The following C1QTNF1 variants were observed in gnomAD, a reference collection of about 807,000 sequenced individuals.
The protein encoded by C1QTNF1 is C1q and TNF related 1.
A neutral mutation model predicts 27.8 loss-of-function variants in C1QTNF1; 22 were observed. That is an observed-to-expected ratio of 0.79 (90% confidence interval 0.56 to 1.13). The LOEUF is 1.13. C1QTNF1 is among the 50% of genes most tolerant of loss of function. C1QTNF1 has a pLI of 0.00. For missense variants in C1QTNF1, 373 were observed against 380.2 expected (o/e 0.98, Z 0.16); for synonymous variants, 166 against 154.3 (o/e 1.08, Z -0.56).
rs917706668 is a variant in C1QTNF1, at chr17:79,048,362, G to A, written c.*274G>A. 2.7e-5 allele frequency: 10 copies of A among 374,756 alleles called. No homozygotes were observed. Among genetic ancestry groups the A allele is most frequent in the Non-Finnish European group, 4.3e-5 (9 of 210,552 alleles). 23.2% of individuals were successfully genotyped at this position (374,756 alleles called of 1,614,324 possible). A position where few individuals can be genotyped will look rare whatever the true frequency, so the allele number is the denominator to read the frequency against. On this transcript the variant is annotated 3_prime_UTR_variant, in exon 4 of 4. Coordinates refer to ENST00000579760, the MANE Select transcript of C1QTNF1 (RefSeq NM_030968.5). Reference sequence around the variant, plus strand: ...CACACATCCTCAAGTGACCCCGCACGGCGAGACGCGGGTGGCGGCAGGGCG... The same window carrying A: ...CACACATCCTCAAGTGACCCCGCACAGCGAGACGCGGGTGGCGGCAGGGCG...
Position 79,040,451 on chromosome 17 carries a change from G to A in C1QTNF1, c.-14-3504G>A, listed in dbSNP as rs576490472. Among the ~76,000 whole-genome samples, 9 of 152,132 alleles carry A rather than the reference G, an allele frequency of 5.9e-5. No homozygotes were observed. In the South Asian group the frequency reaches 1.2e-3, roughly 21 times the overall value. On this transcript the variant is annotated intron_variant, in intron 1 of 3. Coordinates refer to ENST00000579760, the MANE Select transcript of C1QTNF1 (RefSeq NM_030968.5). ...TGTATCAAAAAAGAAAACTAAGACCGAGGATGGAGAATTTTTCCCAGTTGA... is the reference window on the plus strand; with the variant it reads ...TGTATCAAAAAAGAAAACTAAGACCAAGGATGGAGAATTTTTCCCAGTTGA...
At chr17:79,026,156 A>T (rs1015882937) in intron 1 of C1QTNF1, among the ~76,000 whole-genome samples, 7 of 151,442 alleles carry the variant, frequency 4.6e-5, no homozygotes, top group African/African-American at 1.2e-4. Context: ...AGTGCGTCAT[A>T]TGCTTCTTTT....
chr17:79,033,213 C>T (rs2072181603), intron 1 of C1QTNF1, among the ~76,000 whole-genome samples: 1 of 152,170 alleles, frequency 6.6e-6, no homozygotes, highest in Non-Finnish European at 1.5e-5. Context: ...TCTAGTATGG[C>T]AGCTGCTAGT....
intron 1 of C1QTNF1, among the ~76,000 whole-genome samples, chr17:79,026,457 G>A (rs935053168): frequency 1.3e-5 from 2 of 152,166 alleles, no homozygotes; most frequent in African/African-American, 2.4e-5. Flanking sequence ...CCTGGCCTCC[G>A]GGGCGTATAC....
intron 1 of C1QTNF1, 84 bp from the exon 2 acceptor site, chr17:79,043,871 G>A (rs777331894): frequency 2.9e-5 from 44 of 1,498,340 alleles, no homozygotes; most frequent in Non-Finnish European, 3.6e-5. Context: ...TTTCCAGGCT[G>A]TTTCTCTCCC....
rs150283121 is a variant in C1QTNF1 at position 79,036,427 on chromosome 17, G to A, written c.-14-7528G>A. On this transcript the variant is annotated intron_variant, in intron 1 of 3. Coordinates refer to ENST00000579760, the MANE Select transcript of C1QTNF1 (RefSeq NM_030968.5). ...TGGGCTCAGGCGATCCTCCCACCTT[G>A]GCCTCCCAAGGTGCTGAGATTACAG... 2.2e-3 allele frequency among the ~76,000 whole-genome samples: 330 copies of A among 152,230 alleles called. 1 individual carries two copies. The highest frequency in any genetic ancestry group is 6.6e-3 in the African/African-American group (274 of 41,532).
upstream of C1QTNF1, chr17:79,023,923 G>C (rs1447552586): frequency 6.6e-6 from 1 of 152,356 alleles, no homozygotes; most frequent in Non-Finnish European, 1.5e-5. Flanking sequence ...GCTCAGCCTT[G>C]CTGGGCACCC....
In C1QTNF1 at chr17:79,025,792, A is replaced by G. The variant is rs543450217; in HGVS notation, c.-15+1298A>G. Reference sequence around the variant, plus strand: ...GGGAGATGGGAGCCGAGGTCTGAGGACAAGCAGAAGCTTCCCCACCCTCCC... The same window carrying G: ...GGGAGATGGGAGCCGAGGTCTGAGGGCAAGCAGAAGCTTCCCCACCCTCCC... On this transcript the variant is annotated intron_variant, in intron 1 of 3. Transcript: ENST00000579760. The G allele has an allele frequency of 1.3e-5, 3 of 231,432 alleles. No individual in the cohort carries two copies. The East Asian group carries it at 3.7e-4, about 29-fold the overall frequency. 14.3% of individuals were successfully genotyped at this position (231,432 alleles called of 1,614,324 possible).
intron 1 of C1QTNF1, among the ~76,000 whole-genome samples, chr17:79,037,861 G>A (rs1001057895): frequency 6.6e-6 from 1 of 151,602 alleles, no homozygotes; most frequent in African/African-American, 2.4e-5. Context: ...TGGTAGAGAT[G>A]GGGCTTCACC....
intron 2 of C1QTNF1, 125 bp downstream of exon 2, chr17:79,044,248 G>A (rs939837473): frequency 2.1e-5 from 24 of 1,144,802 alleles, no homozygotes; most frequent in African/African-American, 6.3e-5. Context: ...AAGCTGAGCC[G>A]TGGCCCTGCT....
chr17:79,040,876 C>T (rs2072387712), intron 1 of C1QTNF1, among the ~76,000 whole-genome samples: 1 of 151,620 alleles, frequency 6.6e-6, no homozygotes, highest in Non-Finnish European at 1.5e-5. Flanking sequence ...TGCACTCACT[C>T]ACAGAGTGAG....
upstream of C1QTNF1, among the ~76,000 whole-genome samples, chr17:79,023,847 AG>A (rs1194087248): frequency 2.0e-5 from 3 of 152,208 alleles, no homozygotes; most frequent in African/African-American, 7.2e-5. Context: ...CTGACCCCTC[AG>A]GGTTGGCCAC....
At chr17:79,026,881 G>A (rs2071978381) in intron 1 of C1QTNF1, among the ~76,000 whole-genome samples, 1 of 152,238 alleles carries the variant, frequency 6.6e-6, no homozygotes, top group South Asian at 2.1e-4. Flanking sequence ...GGACAACAGA[G>A]TGTTTTTGGA....
Position 79,046,109 on chromosome 17 carries a change from A to G in C1QTNF1, c.156-446A>G, listed in dbSNP as rs1599308727. Among the ~76,000 whole-genome samples the G allele has an allele frequency of 6.6e-6, 1 of 152,194 alleles. No homozygotes were observed. The highest frequency in any genetic ancestry group is 1.5e-5 in the Non-Finnish European group (1 of 68,040). ...TTGTCCTTCCAATCAGGTTGGAAAC[A>G]TAAGAGTCTCTCCAGCGGCTACAGC... is the stretch of plus-strand genomic sequence containing the variant. On this transcript the variant is annotated intron_variant, in intron 2 of 3. Transcript: ENST00000579760. The surrounding 1 kb of genome is among the most constrained non-coding windows in gnomAD (Gnocchi z 4.8).
chr17:79,044,361 G>T (rs1459277796), intron 2 of C1QTNF1, among the ~76,000 whole-genome samples: 1 of 152,224 alleles, frequency 6.6e-6, no homozygotes, highest in Non-Finnish European at 1.5e-5. Flanking sequence ...CGAGCCTAAA[G>T]GAGTGGGGTC....
chr17:79,037,425 G>A (rs1397210534), intron 1 of C1QTNF1, among the ~76,000 whole-genome samples: 1 of 150,280 alleles, frequency 6.7e-6, no homozygotes, highest in Non-Finnish European at 1.5e-5. Context: ...CACTGTGCCC[G>A]GCCAATTTTG....
At chr17:79,039,799 A>G (rs78244445) in intron 1 of C1QTNF1, among the ~76,000 whole-genome samples, 12,938 of 143,766 alleles carry the variant, frequency 0.09, 872 homozygotes, top group African/African-American at 0.21. Context: ...GTGTGTGTGT[A>G]TATATATATA....
At chr17:79,023,454 C>T (rs569006469), upstream of C1QTNF1, among the ~76,000 whole-genome samples, 1 of 152,134 alleles carries the variant, frequency 6.6e-6, no homozygotes, top group Non-Finnish European at 1.5e-5. Flanking sequence ...GGGCAGCCTA[C>T]GGGCCTTGTT....
intron 1 of C1QTNF1, among the ~76,000 whole-genome samples, chr17:79,033,279 T>G (rs2072183476): frequency 6.6e-6 from 1 of 152,108 alleles, no homozygotes; most frequent in African/African-American, 2.4e-5. Context: ...TTCATTTTGT[T>G]TAACTGACAT....
Sources: allele counts gnomAD v4.1 joint callset (sites outside exome capture counted in the v4.1 genomes callset), GRCh38; gene constraint gnomAD v4.1.1; non-coding constraint Gnocchi (gnomAD v3.1); transcripts MANE v1.5; gene names NCBI Gene and HGNC (gene_info 2026-07-23, HGNC 2026-07-21).